The following CREB5 variants were observed in gnomAD, a reference collection of about 807,000 sequenced individuals.
CREB5 encodes the protein cAMP responsive element binding protein 5, also known as cyclic AMP-responsive element-binding protein 5.
Under a neutral mutation model 57.1 loss-of-function variants are expected in CREB5, and 19 were observed. The ratio of observed to expected loss-of-function variants is 0.33; its 90% CI spans 0.23 to 0.49. The LOEUF (loss-of-function observed/expected upper bound fraction) is 0.49, where lower values mean the gene tolerates loss of function less well. CREB5 is among the 20% of genes least tolerant of loss of function. The pLI is 0.99. For synonymous variants in CREB5, 238 were observed against 238.3 expected, an observed-to-expected ratio of 1.00 and a Z score of 0.01; for missense variants, 579 against 671.6, an observed-to-expected ratio of 0.86 and a Z score of 1.52.
chr7:28,489,107 C>A (rs933633184), intron 2 of CREB5, among the ~76,000 whole-genome samples: 1 of 152,196 alleles, frequency 6.6e-6, no homozygotes, highest in Non-Finnish European at 1.5e-5. Flanking sequence ...TGCTGTCATG[C>A]CTAGATCTTC....
chr7:28,651,352 C>T (rs1799121498), intron 5 of CREB5, among the ~76,000 whole-genome samples: 1 of 152,130 alleles, frequency 6.6e-6, no homozygotes, highest in African/African-American at 2.4e-5. Context: ...GCATTTCCCA[C>T]CAAATATGTT....
intron 1 of CREB5, among the ~76,000 whole-genome samples, chr7:28,333,261 T>A (rs1465818726): frequency 1.3e-5 from 2 of 152,214 alleles, no homozygotes; most frequent in Non-Finnish European, 1.5e-5. Context: ...TACTTTTTAA[T>A]TTTTGTGGTT....
intron 5 of CREB5, among the ~76,000 whole-genome samples, chr7:28,578,709 C>G (rs1007495752): frequency 6.6e-6 from 1 of 152,168 alleles, no homozygotes; most frequent in African/African-American, 2.4e-5. Flanking sequence ...GCCTATGATG[C>G]CCTTTGCATG....
chr7:28,610,511 G>A (rs17156919), intron 5 of CREB5, among the ~76,000 whole-genome samples: 25,322 of 152,058 alleles, frequency 0.17, 2,691 homozygotes, highest in East Asian at 0.37. Context: ...CTAAACAGAG[G>A]GACCTAAATC....
intron 5 of CREB5, among the ~76,000 whole-genome samples, chr7:28,693,521 TAAAAAAAAA>T (rs36048926): frequency 7.2e-6 from 1 of 138,440 alleles, no homozygotes; most frequent in African/African-American, 2.7e-5. Flanking sequence ...TATCACTGCT[TAAAAAAAAA>T]AAAAGAAAAA....
intron 3 of CREB5, among the ~76,000 whole-genome samples, chr7:28,496,086 A>C (rs921394137): frequency 2.6e-5 from 4 of 152,214 alleles, no homozygotes; most frequent in Admixed American, 2.6e-4. Context: ...CTTTTCCCAA[A>C]AAATGGGAAT....
chr7:28,639,779 G>A (rs182171928), intron 5 of CREB5, among the ~76,000 whole-genome samples: 1 of 152,148 alleles, frequency 6.6e-6, no homozygotes, highest in African/African-American at 2.4e-5. Context: ...TTATCAACGA[G>A]GTTCCTTTGA....
At chr7:28,710,850 T>C (rs755473261) in intron 5 of CREB5, among the ~76,000 whole-genome samples, 8 of 152,190 alleles carry the variant, frequency 5.3e-5, no homozygotes, top group Non-Finnish European at 1.2e-4. Flanking sequence ...TGATGAGTGA[T>C]TGATTCATTG....
rs146726042 is a variant in CREB5 at position 28,323,812 on chromosome 7, A to G, written c.-25+24371A>G. Among the ~76,000 whole-genome samples, 97 of 152,212 alleles carry G rather than the reference A, an allele frequency of 6.4e-4. No homozygotes were observed. In the East Asian group the frequency reaches 0.016, roughly 26 times the overall value. ...TAATATATAATGAAATAACTATACA[A>G]CTCACTATAATGTAGAATCAGTGGG... On this transcript the variant is annotated intron_variant, in intron 1 of 9. Coordinates refer to the CREB5 transcript ENST00000396299.
At chr7:28,751,748 A>G (rs1204796480) in intron 7 of CREB5, among the ~76,000 whole-genome samples, 1 of 152,200 alleles carries the variant, frequency 6.6e-6, no homozygotes, top group African/African-American at 2.4e-5. Flanking sequence ...CATTGGTGCA[A>G]TGTTATTAAC....
intron 5 of CREB5, among the ~76,000 whole-genome samples, chr7:28,573,099 C>G (rs1795767416): frequency 6.6e-6 from 1 of 152,258 alleles, no homozygotes; most frequent in Non-Finnish European, 1.5e-5. Flanking sequence ...ATAACCCAAC[C>G]CATCTCACCA....
At chr7:28,590,254 A>G (rs1451413223) in intron 5 of CREB5, among the ~76,000 whole-genome samples, 1 of 152,086 alleles carries the variant, frequency 6.6e-6, no homozygotes, top group African/African-American at 2.4e-5. Flanking sequence ...CACTATTCAC[A>G]ACAGCAAAGA....
intron 4 of CREB5, among the ~76,000 whole-genome samples, chr7:28,565,946 C>T (rs550901444): frequency 6.6e-6 from 1 of 152,190 alleles, no homozygotes; most frequent in Admixed American, 6.5e-5. Flanking sequence ...AGAAATTATG[C>T]CATCTGGAGC....
chr7:28,686,069 G>A, intron 5 of CREB5: 1 of 1,513,716 alleles, frequency 6.6e-7, no homozygotes, highest in South Asian at 1.1e-5. Context: ...CGCTTGGCCT[G>A]GAATCAAATG....
intron 5 of CREB5, among the ~76,000 whole-genome samples, chr7:28,623,900 A>C (rs1184146021): frequency 6.6e-6 from 1 of 152,240 alleles, no homozygotes. Context: ...GAGATTGTAT[A>C]GTCTACTTTG....
At chr7:28,468,366 A>G (rs139127756) in intron 1 of CREB5, among the ~76,000 whole-genome samples, 1 of 152,328 alleles carries the variant, frequency 6.6e-6, no homozygotes, top group African/African-American at 2.4e-5. Context: ...CATAGACTAA[A>G]GCATCAGATG....
chr7:28,333,457 T>A (rs1296960554), intron 1 of CREB5, among the ~76,000 whole-genome samples: 2 of 152,200 alleles, frequency 1.3e-5, no homozygotes, highest in African/African-American at 4.8e-5. Context: ...ATTGACGTAG[T>A]CACCTTGCTG....
intron 5 of CREB5, among the ~76,000 whole-genome samples, chr7:28,576,226 G>A (rs1400199920): frequency 3.3e-5 from 5 of 152,156 alleles, no homozygotes; most frequent in Non-Finnish European, 7.3e-5. Flanking sequence ...GTTAGAAAGG[G>A]CCTTGATACT....
chr7:28,385,951 T>C (rs1395097089), intron 1 of CREB5, among the ~76,000 whole-genome samples: 1 of 152,042 alleles, frequency 6.6e-6, no homozygotes, highest in East Asian at 1.9e-4. Context: ...AATGGCTCCA[T>C]CTTATCTGAT....
Sources: gnomAD v4.1 joint callset for allele counts (sites outside exome capture counted in the v4.1 genomes callset) on GRCh38, gnomAD v4.1.1 for gene constraint, MANE v1.5 for transcripts, NCBI Gene and HGNC (gene_info 2026-07-23, HGNC 2026-07-21) for gene names.